The following PPP1R14C variants were observed in gnomAD, a reference collection of about 807,000 sequenced individuals.
PPP1R14C encodes the protein protein phosphatase 1 regulatory subunit 14C.
Under a neutral mutation model 20.4 loss-of-function variants are expected in PPP1R14C, and 16 were observed. The ratio of observed to expected loss-of-function variants is 0.78; its 90% CI spans 0.53 to 1.19. PPP1R14C has a LOEUF of 1.19. Among genes scored for constraint, PPP1R14C ranks in the 50% most tolerant of loss-of-function variants. The pLI, the probability that PPP1R14C is intolerant of heterozygous loss-of-function variation, is 0.00. For synonymous variants in PPP1R14C, 91 were observed against 91.0 expected, an observed-to-expected ratio of 1.00 and a Z score of 0.00; for missense variants, 211 against 220.1, an observed-to-expected ratio of 0.96 and a Z score of 0.26.
In PPP1R14C at chr6:150,248,916, A is replaced by G; in HGVS notation, c.*96A>G. 1.4e-6 allele frequency: 1 copy of G among 691,252 alleles called. No individual in the cohort carries two copies. Among genetic ancestry groups the G allele is most frequent in the Non-Finnish European group, 2.3e-6 (1 of 427,410 alleles). The allele number at this position is 691,252 out of a possible 1,614,324, so 42.8% of individuals were successfully genotyped here. On this transcript the variant is annotated 3_prime_UTR_variant, in exon 4 of 4. Coordinates refer to ENST00000361131, the MANE Select transcript of PPP1R14C (RefSeq NM_030949.3). ...TGTGAAAGAATAGGTGTCCTTATGA[A>G]CAACGTTTTTGTTTTTTTTTTTTTC...
rs1777881713 is a variant in PPP1R14C, at chr6:150,201,868, C to CA, written c.307-12875dup. ...ATGGTGATGGATTGGATGGTGGCGA[C>CA]AGGGAGAGGAGGGGTCAGGAGTGAA... On this transcript the variant is annotated intron_variant, in intron 1 of 3. Coordinates refer to ENST00000361131, the MANE Select transcript of PPP1R14C (RefSeq NM_030949.3). The surrounding 1 kb of genome is among the most constrained non-coding windows in gnomAD (Gnocchi z 4.2). Among the ~76,000 whole-genome samples the CA allele has an allele frequency of 6.6e-6, 1 of 152,112 alleles. No homozygotes were observed. The highest frequency in any genetic ancestry group is 2.4e-5 in the African/African-American group (1 of 41,398).
intron 1 of PPP1R14C, among the ~76,000 whole-genome samples, chr6:150,145,048 A>C (rs1777167178): frequency 6.6e-6 from 1 of 152,184 alleles, no homozygotes; most frequent in Admixed American, 6.5e-5. Flanking sequence ...TAATAGAAAA[A>C]GCATTGTTGA....
rs115662653 is a variant in PPP1R14C, at chr6:150,147,969, A to T, written c.306+4471A>T. Among the ~76,000 whole-genome samples the T allele has an allele frequency of 1.8e-3, 281 of 152,368 alleles. 1 individual carries two copies. The highest frequency in any genetic ancestry group is 6.5e-3 in the African/African-American group (272 of 41,590). On this transcript the variant is annotated intron_variant, in intron 1 of 3. Coordinates refer to ENST00000361131, the MANE Select transcript of PPP1R14C (RefSeq NM_030949.3). ...TGGATACAGAGAAACAGAGAGTCATAGGGTACCACTTAATCTTACTGTATG... is the reference window on the plus strand; with the variant it reads ...TGGATACAGAGAAACAGAGAGTCATTGGGTACCACTTAATCTTACTGTATG...
chr6:150,170,055 CTT>C (rs1777479711), intron 1 of PPP1R14C, among the ~76,000 whole-genome samples: 2 of 152,130 alleles, frequency 1.3e-5, no homozygotes, highest in Non-Finnish European at 2.9e-5. Flanking sequence ...CTTTTAATGA[CTT>C]TGCCTTGGAG....
intron 1 of PPP1R14C, among the ~76,000 whole-genome samples, chr6:150,188,482 C>CA (rs1749378561): frequency 9.5e-6 from 1 of 104,982 alleles, no homozygotes; most frequent in Non-Finnish European, 1.8e-5. Flanking sequence ...CAGGAATTAC[C>CA]TTTTTTTTTT....
At chr6:150,210,416 T>A (rs1778008948) in intron 1 of PPP1R14C, among the ~76,000 whole-genome samples, 1 of 152,230 alleles carries the variant, frequency 6.6e-6, no homozygotes, top group South Asian at 2.1e-4. Flanking sequence ...TTTTAAAATC[T>A]TATTTTTGCC....
At position 150,201,883 on chromosome 6, in the gene PPP1R14C, T is replaced by G. The variant is rs1163312411; in HGVS notation, c.307-12861T>G. Among the ~76,000 whole-genome samples the G allele has an allele frequency of 1.3e-5, 2 of 151,734 alleles. No homozygotes were observed. The highest frequency in any genetic ancestry group is 2.4e-5 in the African/African-American group (1 of 41,266). On this transcript the variant is annotated intron_variant, in intron 1 of 3. Transcript: ENST00000361131. This position sits in a 1 kb window ranked among gnomAD's most constrained non-coding sequence, Gnocchi z 4.2. ...ATGGTGGCGACAGGGAGAGGAGGGG[T>G]CAGGAGTGAAGTATTCCATGAACCG...
At chr6:150,243,174 CTTTTT>C (rs574248701) in intron 3 of PPP1R14C, among the ~76,000 whole-genome samples, 4 of 129,286 alleles carry the variant, frequency 3.1e-5, no homozygotes, top group Admixed American at 8.0e-5. Context: ...TCTAAAATTC[CTTTTT>C]TTTTTTTTTT....
intron 1 of PPP1R14C, among the ~76,000 whole-genome samples, chr6:150,203,239 T>C (rs1310129979): frequency 6.6e-6 from 1 of 152,234 alleles, no homozygotes; most frequent in Non-Finnish European, 1.5e-5. Context: ...CATTGGCCCC[T>C]GGCAATCCCT....
chr6:150,149,793 C>T (rs1054151420), intron 1 of PPP1R14C, among the ~76,000 whole-genome samples: 10 of 152,144 alleles, frequency 6.6e-5, no homozygotes, highest in African/African-American at 2.4e-4. Flanking sequence ...AAGGTATTCA[C>T]ATCTATTTGG....
chr6:150,226,822 A>G (rs1778236153), intron 3 of PPP1R14C, among the ~76,000 whole-genome samples: 1 of 152,120 alleles, frequency 6.6e-6, no homozygotes, highest in Admixed American at 6.6e-5. Context: ...TAAGTCCGAG[A>G]GTAGGTGGCA....
intron 3 of PPP1R14C, among the ~76,000 whole-genome samples, chr6:150,248,277 G>A (rs900141183): frequency 5.9e-5 from 9 of 152,126 alleles, no homozygotes; most frequent in Non-Finnish European, 1.3e-4. Context: ...TGATTCTGAT[G>A]CACACTCAAA....
intron 3 of PPP1R14C, among the ~76,000 whole-genome samples, chr6:150,240,608 T>C (rs1463453120): frequency 6.6e-6 from 1 of 152,210 alleles, no homozygotes; most frequent in Non-Finnish European, 1.5e-5. Context: ...AGATGAAGGC[T>C]AGGCCTGTGA....
intron 3 of PPP1R14C, among the ~76,000 whole-genome samples, chr6:150,244,106 G>A (rs1778464915): frequency 6.6e-6 from 1 of 151,594 alleles, no homozygotes; most frequent in African/African-American, 2.4e-5. Flanking sequence ...TATGCTTGTG[G>A]TTGTTGTCTG....
intron 1 of PPP1R14C, among the ~76,000 whole-genome samples, chr6:150,167,965 TC>T (rs1777443940): frequency 1.2e-3 from 5 of 4,042 alleles, no homozygotes; most frequent in Admixed American, 1.5e-3. Flanking sequence ...TCTCCTCCCC[TC>T]TTTCTCTCCT....
At chr6:150,209,841 T>TTGTGTG (rs148237324) in intron 1 of PPP1R14C, among the ~76,000 whole-genome samples, 43 of 143,842 alleles carry the variant, frequency 3.0e-4, no homozygotes, top group Middle Eastern at 3.8e-3. Flanking sequence ...GTGTATATAT[T>TTGTGTG]TGTGTGTGTG....
At chr6:150,167,693 A>G (rs1777438896) in intron 1 of PPP1R14C, among the ~76,000 whole-genome samples, 1 of 152,138 alleles carries the variant, frequency 6.6e-6, no homozygotes, top group Non-Finnish European at 1.5e-5. Flanking sequence ...TATATACTGT[A>G]TAAGGCAGAG....
Position 150,143,419 on chromosome 6 carries a change from A to G in PPP1R14C, c.227A>G (p.Tyr76Cys). The G allele has an allele frequency of 6.2e-7, 1 of 1,607,918 alleles. No individual in the cohort carries two copies. The highest frequency in any genetic ancestry group is 2.3e-5 in the East Asian group (1 of 44,344). Residue 76 changes from tyrosine (Y) to cysteine (C), a missense_variant, in exon 1 of 4, where the codon TAC (tyrosine) becomes TGC (cysteine). Tyr to Cys is a radical substitution (Grantham distance 194). Transcript: ENST00000361131. The surrounding 1 kb of genome is among the most constrained non-coding windows in gnomAD (Gnocchi z 5.6). ...CAGCAGGGAAAAGTGACAGTGAAATACGATCGTAAGGAGCTTCGGAAGCGG... is the reference window on the plus strand; with the variant it reads ...CAGCAGGGAAAAGTGACAGTGAAATGCGATCGTAAGGAGCTTCGGAAGCGG... ...RHQQGKVTVK[Y>C]DRKELRKRLV...
chr6:150,241,369 T>C (rs1778429186), intron 3 of PPP1R14C, among the ~76,000 whole-genome samples: 1 of 152,188 alleles, frequency 6.6e-6, no homozygotes, highest in Non-Finnish European at 1.5e-5. Flanking sequence ...CATCCTTTAT[T>C]AATGTAATAA....
Sources: gnomAD v4.1 joint callset for allele counts (sites outside exome capture counted in the v4.1 genomes callset) on GRCh38, gnomAD v4.1.1 for gene constraint, Gnocchi (gnomAD v3.1) non-coding constraint, MANE v1.5 for transcripts, NCBI Gene and HGNC (gene_info 2026-07-23, HGNC 2026-07-21) for gene names.